SHISA9: variants seen among roughly 807,000 people sequenced by gnomAD.
SHISA9 encodes protein shisa-9.
SHISA9 carries 13 observed loss-of-function variants against 38.0 expected under a neutral mutation model. The observed-to-expected ratio is 0.34, with a 90% CI of 0.22 to 0.54. SHISA9 has a LOEUF of 0.54. Ranked by LOEUF, SHISA9 falls within the 20% of genes least tolerant of loss-of-function variation. SHISA9 has a pLI of 0.91. For missense variants in SHISA9, 538 were observed against 575.8 expected, an observed-to-expected ratio of 0.93 and a Z score of 0.67; for synonymous variants, 275 against 242.0, an observed-to-expected ratio of 1.14 and a Z score of -1.27.
At chr16:13,533,738 G>A in the SHISA9 span, among the ~76,000 whole-genome samples, 1 of 150,742 alleles carries the variant, frequency 6.6e-6, no homozygotes, top group African/African-American at 2.4e-5. Flanking sequence ...CCCTCTTTGT[G>A]GATTATTTCT....
the SHISA9 span, among the ~76,000 whole-genome samples, chr16:13,251,193 T>A: frequency 6.6e-6 from 1 of 152,116 alleles, no homozygotes; most frequent in African/African-American, 2.4e-5. Context: ...AGATGCAGCA[T>A]CCCCAAGCTT....
intron 2 of SHISA9, among the ~76,000 whole-genome samples, chr16:13,015,752 C>G (rs539853583): frequency 3.5e-4 from 53 of 152,058 alleles, no homozygotes; most frequent in South Asian, 8.3e-4. Context: ...GCTGATTCAT[C>G]AACACCCTTG....
At chr16:13,242,849 T>A (rs1207692625), downstream of SHISA9, among the ~76,000 whole-genome samples, 2 of 152,230 alleles carry the variant, frequency 1.3e-5, no homozygotes, top group Admixed American at 1.3e-4. Context: ...TTAGTGTGTA[T>A]ATTAATAACA....
At chr16:12,952,898 C>T (rs1019371634) in intron 2 of SHISA9, among the ~76,000 whole-genome samples, 1 of 152,130 alleles carries the variant, frequency 6.6e-6, no homozygotes, top group African/African-American at 2.4e-5. Flanking sequence ...CCCCCTCTTC[C>T]TTTCACAAAT....
chr16:13,471,355 C>G, the SHISA9 span, among the ~76,000 whole-genome samples: 2 of 152,094 alleles, frequency 1.3e-5, no homozygotes, highest in African/African-American at 4.8e-5. Flanking sequence ...TATTAACATC[C>G]AAGCAAACTT....
At chr16:12,911,943 AC>A (rs1319102828) in intron 1 of SHISA9, among the ~76,000 whole-genome samples, 1 of 152,236 alleles carries the variant, frequency 6.6e-6, no homozygotes, top group Admixed American at 6.5e-5. Flanking sequence ...AATTACTTTT[AC>A]CCCAAGCTAA....
intron 2 of SHISA9, among the ~76,000 whole-genome samples, chr16:13,158,195 A>G (rs1394667885): frequency 6.6e-6 from 1 of 152,176 alleles, no homozygotes; most frequent in Non-Finnish European, 1.5e-5. Flanking sequence ...TGTAGCCATA[A>G]TGGAGAAGCA....
chr16:12,937,843 A>G (rs1168898698), intron 2 of SHISA9, among the ~76,000 whole-genome samples: 2 of 152,118 alleles, frequency 1.3e-5, no homozygotes, highest in African/African-American at 2.4e-5. Flanking sequence ...CATTCAGTCC[A>G]TAACAGTGGA....
At chr16:12,975,209 T>C (rs1257438836) in intron 2 of SHISA9, among the ~76,000 whole-genome samples, 1 of 152,124 alleles carries the variant, frequency 6.6e-6, no homozygotes, top group Non-Finnish European at 1.5e-5. Context: ...ACAGCTATTA[T>C]GTTCACATAA....
At chr16:13,457,303 T>C in the SHISA9 span, among the ~76,000 whole-genome samples, 19 of 109,356 alleles carry the variant, frequency 1.7e-4, no homozygotes, top group Non-Finnish European at 2.6e-4. Flanking sequence ...TGAAACTCTA[T>C]CAAAAACAAA....
At chr16:13,337,379 G>A in the SHISA9 span, among the ~76,000 whole-genome samples, 52 of 152,076 alleles carry the variant, frequency 3.4e-4, no homozygotes, top group South Asian at 6.2e-4. Context: ...ATCTGCTGCC[G>A]TGTGAGACGT....
the SHISA9 span, among the ~76,000 whole-genome samples, chr16:13,407,390 G>A: frequency 6.6e-6 from 1 of 152,066 alleles, no homozygotes; most frequent in Non-Finnish European, 1.5e-5. Flanking sequence ...TCTCTTTAGG[G>A]CCTCTTTTTA....
chr16:13,524,076 C>T, the SHISA9 span, among the ~76,000 whole-genome samples: 1 of 152,078 alleles, frequency 6.6e-6, no homozygotes. Flanking sequence ...TGACCCCCTC[C>T]CACCCCAAAT....
chr16:12,948,408 T>A (rs1201460464), intron 2 of SHISA9, among the ~76,000 whole-genome samples: 2 of 152,004 alleles, frequency 1.3e-5, no homozygotes, highest in Non-Finnish European at 2.9e-5. Flanking sequence ...CAACAACCAT[T>A]AATTCTAATT....
intron 2 of SHISA9, among the ~76,000 whole-genome samples, chr16:13,168,182 G>C (rs153094): frequency 4.6e-5 from 7 of 151,998 alleles, no homozygotes; most frequent in African/African-American, 1.7e-4. Context: ...AACCACCTCC[G>C]TTATGGGCTG....
At chr16:13,003,438 G>A (rs755388311) in intron 2 of SHISA9, among the ~76,000 whole-genome samples, 10 of 152,216 alleles carry the variant, frequency 6.6e-5, no homozygotes, top group Non-Finnish European at 1.5e-4. Flanking sequence ...AAATGCTGCT[G>A]TATTTCCAAG....
the SHISA9 span, among the ~76,000 whole-genome samples, chr16:13,258,681 C>G: frequency 6.6e-6 from 1 of 152,172 alleles, no homozygotes; most frequent in Non-Finnish European, 1.5e-5. Flanking sequence ...AAAGCCACTT[C>G]TTACATGGTG....
At chr16:13,220,436 T>C (rs905823941) in intron 4 of SHISA9, among the ~76,000 whole-genome samples, 3 of 152,150 alleles carry the variant, frequency 2.0e-5, no homozygotes, top group Admixed American at 6.5e-5. Context: ...GAACAGAGTG[T>C]AGAGATGGAG....
the SHISA9 span, among the ~76,000 whole-genome samples, chr16:13,346,442 C>T: frequency 1.3e-5 from 2 of 152,072 alleles, no homozygotes; most frequent in East Asian, 3.9e-4. Context: ...CAGTGTCGAC[C>T]GAAAACAGCC....
Sources: gnomAD v4.1 joint callset for allele counts (sites outside exome capture counted in the v4.1 genomes callset) on GRCh38, gnomAD v4.1.1 for gene constraint, MANE v1.5 for transcripts, NCBI Gene and HGNC (gene_info 2026-07-23, HGNC 2026-07-21) for gene names.